Variants in CORO7 observed in about 807,000 individuals in gnomAD.
CORO7 encodes coronin-7.
In CORO7, 107 loss-of-function variants were observed where a neutral mutation model predicts 126.6. That is an observed-to-expected ratio of 0.85 (90% confidence interval 0.72 to 0.99). The LOEUF (loss-of-function observed/expected upper bound fraction) is 0.99. Among genes scored for constraint, CORO7 ranks in the 50% least tolerant of loss-of-function variants. The probability of loss-of-function intolerance (pLI) is 0.00; values close to 1 mark genes in which losing one functional copy is unlikely to be tolerated. For missense variants in CORO7, 1,314 were observed against 1,255.8 expected, an observed-to-expected ratio of 1.05 and a Z score of -0.70; for synonymous variants, 603 against 536.8, an observed-to-expected ratio of 1.12 and a Z score of -1.70.
chr16:4,381,714 G>A (rs1307801125), intron 9 of CORO7: 2 of 1,607,354 alleles, frequency 1.2e-6, no homozygotes, highest in Non-Finnish European at 1.7e-6. Context: ...TGCAGGCCCT[G>A]CCTGGCGACC....
intron 6 of CORO7, among the ~76,000 whole-genome samples, chr16:4,397,981 A>G (rs1335185457): frequency 6.6e-6 from 1 of 152,088 alleles, no homozygotes; most frequent in Non-Finnish European, 1.5e-5. Flanking sequence ...CAGCAGTGCA[A>G]TCACAGCTCA....
In CORO7 at chr16:4,413,397, A is replaced by G; in HGVS notation, c.68T>C (p.Ile23Thr). The change falls in exon 2 of 28, where the codon ATC becomes ACC. Residue 23 changes from isoleucine to threonine, a missense_variant. Transcript: ENST00000251166. The part of the protein sequence containing the change: ...EARPPRRESW[I>T]SDIRAGTAPS... ...GGCGGTTCCTGCTCGAATGTCACTG[A>G]TCCAGGACTGAAAATCAAGAGTAAA... 1 of 1,571,470 alleles carries G rather than the reference A, an allele frequency of 6.4e-7. No homozygotes were observed.
At chr16:4,404,623 G>A (rs1317790731) in intron 6 of CORO7, among the ~76,000 whole-genome samples, 1 of 152,066 alleles carries the variant, frequency 6.6e-6, no homozygotes, top group Non-Finnish European at 1.5e-5. Context: ...TTCACACCAG[G>A]TGCTCCTCTA....
chr16:4,359,363 T>C lies in CORO7; in HGVS notation c.2273A>G (p.Tyr758Cys). The C allele has an allele frequency of 2.5e-6, 4 of 1,613,490 alleles. No individual in the cohort carries two copies. Among genetic ancestry groups the C allele is most frequent in the Non-Finnish European group, 2.5e-6 (3 of 1,179,936 alleles). Residue 758 changes from tyrosine to cysteine, a missense_variant, in exon 23 of 28, where the codon TAC (tyrosine) becomes TGC (cysteine). Coordinates refer to ENST00000251166, the MANE Select transcript of CORO7 (RefSeq NM_024535.5). ...TGKGDTRVFL[Y>C]ELLPESPFFL... is the part of the protein sequence containing the mutation. Reference sequence around the variant, plus strand: ...GAAAGGGGACTCGGGGAGCAGCTCGTACAGGAATACACGGGTGTCGCCCTG... The same window carrying C: ...GAAAGGGGACTCGGGGAGCAGCTCGCACAGGAATACACGGGTGTCGCCCTG...
At chr16:4,374,464 C>T (rs976372852) in intron 9 of CORO7, among the ~76,000 whole-genome samples, 70 of 152,222 alleles carry the variant, frequency 4.6e-4, no homozygotes, top group Admixed American at 1.2e-3. Context: ...CCAGACTCTT[C>T]GTGGGGAATG....
intron 9 of CORO7, among the ~76,000 whole-genome samples, chr16:4,367,895 T>C (rs1327505482): frequency 6.6e-6 from 1 of 151,796 alleles, no homozygotes; most frequent in Non-Finnish European, 1.5e-5. Context: ...GACGGTGCGT[T>C]TCAAGCAAAA....
At chr16:4,400,638 A>C (rs1463802704) in intron 6 of CORO7, among the ~76,000 whole-genome samples, 2 of 147,846 alleles carry the variant, frequency 1.4e-5, no homozygotes, top group Admixed American at 1.4e-4. Context: ...TGTCTCAAAA[A>C]CAAAAACAAA....
intron 26 of CORO7, 109 bp downstream of exon 26, chr16:4,357,059 A>C: frequency 7.2e-7 from 1 of 1,395,758 alleles, no homozygotes; most frequent in Non-Finnish European, 9.9e-7. Context: ...AGGGGACGTG[A>C]CATGTGGCTG....
intron 9 of CORO7, chr16:4,380,808 G>C: frequency 7.1e-7 from 1 of 1,411,292 alleles, no homozygotes; most frequent in Admixed American, 2.9e-5. Context: ...TCTTCCTGGC[G>C]TGTCTGCCTT....
In CORO7 at chr16:4,361,440, C is replaced by G; in HGVS notation, c.1608G>C (p.Thr536=). 6.2e-7 allele frequency: 1 copy of G among 1,612,302 alleles called. No homozygotes were observed. Among genetic ancestry groups the G allele is most frequent in the South Asian group, 1.1e-5 (1 of 91,052 alleles). Residue 536 remains threonine, a synonymous_variant, in exon 17 of 28, where the codon ACG becomes ACC. Coordinates refer to ENST00000251166, the MANE Select transcript of CORO7 (RefSeq NM_024535.5). ...CCCCATTCTGCAGCGTGGGCAGTGC[C>G]GTGTCGGGCAGGCGGCCAGGCTTCC... The part of the protein sequence containing the change: ...ELRKPGRLPD[T]ALPTLQNGAA...
In CORO7 at chr16:4,364,669, G is replaced by A; in HGVS notation, c.1065C>T (p.Asp355=). The A allele has an allele frequency of 6.3e-7, 1 of 1,582,884 alleles. No homozygotes were observed. The highest frequency in any genetic ancestry group is 8.6e-7 in the Non-Finnish European group (1 of 1,165,412). Residue 355 remains aspartate, a synonymous_variant, in exon 13 of 28, where the codon GAC becomes GAT. Coordinates refer to ENST00000251166, the MANE Select transcript of CORO7 (RefSeq NM_024535.5). ...VPRKAVEFHE[D]LFPDTAGCVP... ...CACAGCCGGCAGTGTCCGGGAACAG[G>A]TCCTCGTGGAACTCCACAGCCTGGC...
At chr16:4,363,202 A>T (rs1310175752) in intron 14 of CORO7, 1 of 148,032 alleles carries the variant, frequency 6.8e-6, no homozygotes, top group East Asian at 2.0e-4. Flanking sequence ...GAGGCCGAGG[A>T]GGGCAGATCA....
At position 4,359,574 on chromosome 16, in the gene CORO7, C is replaced by G; in HGVS notation, c.2156G>C (p.Gly719Ala). 6.2e-7 allele frequency: 1 copy of G among 1,611,966 alleles called. No individual in the cohort carries two copies. Among genetic ancestry groups the G allele is most frequent in the South Asian group, 1.1e-5 (1 of 90,994 alleles). ...LLLYEAEALA[G>A]GPLAVLGLDV... is the part of the protein sequence containing the mutation. ...CAGGCCCAACACTGCCAAGGGTCCG[C>G]CGGCCAGGGCCTCAGCTTCATATAG... Residue 719 changes from glycine to alanine, a missense_variant, in exon 22 of 28, where the codon GGC (glycine) becomes GCC (alanine). Transcript: ENST00000251166.
intron 9 of CORO7, among the ~76,000 whole-genome samples, chr16:4,385,379 T>A (rs12935563): frequency 0.012 from 1,791 of 152,200 alleles, 19 homozygotes; most frequent in Admixed American, 0.019. Flanking sequence ...CACTGTGAGC[T>A]ACAGAAGCAA....
intron 7 of CORO7, among the ~76,000 whole-genome samples, chr16:4,394,098 C>G (rs776841847): frequency 6.6e-6 from 1 of 151,926 alleles, no homozygotes; most frequent in Non-Finnish European, 1.5e-5. Context: ...AAGACTCCAT[C>G]TCCCCACCCA....
chr16:4,371,483 C>A (rs1567261313), intron 9 of CORO7, among the ~76,000 whole-genome samples: 1 of 152,226 alleles, frequency 6.6e-6, no homozygotes. Context: ...CAGCCCCACT[C>A]CCGCCATCCT....
chr16:4,407,723 G>A, intron 4 of CORO7, 39 bp from the exon 5 acceptor site: 2 of 1,520,044 alleles, frequency 1.3e-6, no homozygotes, highest in Non-Finnish European at 1.8e-6. Flanking sequence ...AGGGCTGAGG[G>A]CCTCACTGCC....
At chr16:4,407,714 G>C in intron 4 of CORO7, 30 bp from the exon 5 acceptor site, 1 of 1,537,638 alleles carries the variant, frequency 6.5e-7, no homozygotes, top group South Asian at 1.3e-5. Flanking sequence ...CGTGAGCACA[G>C]GGCTGAGGGC....
rs529198905 is a variant in CORO7, at chr16:4,359,390, G to C, written c.2251-5C>G. ...CAGGAATACACGGGTGTCGCCCTGCGGGGAAGAAGGCAGGCTGGGAACCCT... is the reference window on the plus strand; with the variant it reads ...CAGGAATACACGGGTGTCGCCCTGCCGGGAAGAAGGCAGGCTGGGAACCCT... On this transcript the variant is annotated splice_polypyrimidine_tract_variant and splice_region_variant and intron_variant, in intron 22 of 27. Coordinates refer to ENST00000251166, the MANE Select transcript of CORO7 (RefSeq NM_024535.5). 8 of 1,613,586 alleles carry C rather than the reference G, an allele frequency of 5.0e-6. No individual in the cohort carries two copies. In the South Asian group the frequency reaches 8.8e-5, roughly 18 times the overall value.
Sources: gnomAD v4.1 joint callset for allele counts (sites outside exome capture counted in the v4.1 genomes callset) on GRCh38, gnomAD v4.1.1 for gene constraint, MANE v1.5 for transcripts, NCBI Gene and HGNC (gene_info 2026-07-23, HGNC 2026-07-21) for gene names.